The following ARHGAP28 variants were observed in gnomAD, a reference collection of about 807,000 sequenced individuals.
ARHGAP28 encodes rho GTPase-activating protein 28.
In ARHGAP28, 56 loss-of-function variants were observed where a neutral mutation model predicts 90.7. The observed-to-expected ratio is 0.62, with a 90% CI of 0.50 to 0.77. The LOEUF is 0.77. Ranked by LOEUF, ARHGAP28 falls within the 30% of genes least tolerant of loss-of-function variation. ARHGAP28 has a pLI of 0.00. For synonymous variants in ARHGAP28, 308 were observed against 323.3 expected, an observed-to-expected ratio of 0.95 and a Z score of 0.51; for missense variants, 869 against 900.9, an observed-to-expected ratio of 0.96 and a Z score of 0.45.
At chr18:6,786,364 A>G (rs2056364835) in intron 1 of ARHGAP28, among the ~76,000 whole-genome samples, 3 of 152,182 alleles carry the variant, frequency 2.0e-5, no homozygotes, top group Admixed American at 2.0e-4. Context: ...TAACTATGCC[A>G]GTCCCAAAGG....
At chr18:6,852,392 A>G (rs560273712) in intron 4 of ARHGAP28, among the ~76,000 whole-genome samples, 1 of 152,314 alleles carries the variant, frequency 6.6e-6, no homozygotes, top group South Asian at 2.1e-4. Flanking sequence ...CTTCTAGTTT[A>G]TTTTCAGTGT....
chr18:6,850,647 A>G (rs1170005985), intron 3 of ARHGAP28: 34 of 604,456 alleles, frequency 5.6e-5, no homozygotes, highest in East Asian at 2.9e-5. Context: ...GCTTTCCCAG[A>G]CACTCCACCA....
chr18:6,906,883 C>A (rs555895288), intron 16 of ARHGAP28, among the ~76,000 whole-genome samples: 1 of 152,128 alleles, frequency 6.6e-6, no homozygotes, highest in East Asian at 1.9e-4. Context: ...ACATATCCAA[C>A]AAAGGACTAG....
intron 10 of ARHGAP28, among the ~76,000 whole-genome samples, chr18:6,878,320 G>A (rs1487722441): frequency 1.5e-5 from 2 of 129,044 alleles, no homozygotes; most frequent in African/African-American, 5.9e-5. Flanking sequence ...ACAGGAAGGG[G>A]AACATCACAC....
At chr18:6,849,905 A>C (rs2056896410) in intron 3 of ARHGAP28, among the ~76,000 whole-genome samples, 1 of 151,990 alleles carries the variant, frequency 6.6e-6, no homozygotes, top group African/African-American at 2.4e-5. Flanking sequence ...AGTCTCTTCC[A>C]AGTATTTCTG....
At chr18:6,752,125 A>G (rs1052700583) in intron 1 of ARHGAP28, among the ~76,000 whole-genome samples, 1 of 152,228 alleles carries the variant, frequency 6.6e-6, no homozygotes, top group African/African-American at 2.4e-5. Flanking sequence ...AATTGACATT[A>G]GATTATATTA....
At chr18:6,765,996 C>T (rs768265915) in intron 1 of ARHGAP28, among the ~76,000 whole-genome samples, 27 of 152,120 alleles carry the variant, frequency 1.8e-4, no homozygotes, top group Non-Finnish European at 4.0e-4. Context: ...GAATTAAGTC[C>T]TTTAAAATTT....
chr18:6,782,743 C>G (rs987888020), intron 1 of ARHGAP28, among the ~76,000 whole-genome samples: 1 of 150,384 alleles, frequency 6.6e-6, no homozygotes, highest in African/African-American at 2.4e-5. Flanking sequence ...AGCCACCACA[C>G]CCAGCCAAGA....
At chr18:6,869,707 G>C (rs778677916) in intron 6 of ARHGAP28, among the ~76,000 whole-genome samples, 26 of 152,070 alleles carry the variant, frequency 1.7e-4, no homozygotes, top group Non-Finnish European at 2.4e-4. Context: ...CTTTAATTCT[G>C]CCTTTTGTTC....
At chr18:6,751,455 C>T (rs1381207062) in intron 1 of ARHGAP28, among the ~76,000 whole-genome samples, 1 of 152,084 alleles carries the variant, frequency 6.6e-6, no homozygotes, top group Non-Finnish European at 1.5e-5. Context: ...AATAATTTGT[C>T]TCTTGTTAAA....
chr18:6,828,995 C>A (rs1048077574), intron 2 of ARHGAP28, among the ~76,000 whole-genome samples: 1 of 152,182 alleles, frequency 6.6e-6, no homozygotes, highest in African/African-American at 2.4e-5. Flanking sequence ...ATTTCTGAGT[C>A]TCTTTCTCAG....
chr18:6,813,548 T>C (rs1383115737), intron 1 of ARHGAP28, among the ~76,000 whole-genome samples: 1 of 152,226 alleles, frequency 6.6e-6, no homozygotes, highest in African/African-American at 2.4e-5. Flanking sequence ...TCTCAGCATA[T>C]TTTATAGTAA....
intron 1 of ARHGAP28, among the ~76,000 whole-genome samples, chr18:6,813,715 G>A (rs1386142192): frequency 1.3e-5 from 2 of 152,072 alleles, no homozygotes; most frequent in African/African-American, 2.4e-5. Context: ...GGGTGATGGG[G>A]GAAAGAGCAT....
At chr18:6,813,367 A>G (rs1441290928) in intron 1 of ARHGAP28, among the ~76,000 whole-genome samples, 2 of 152,154 alleles carry the variant, frequency 1.3e-5, no homozygotes, top group East Asian at 3.9e-4. Flanking sequence ...CTCTCTCTAT[A>G]TATAACTTAC....
At chr18:6,730,219 G>GCATATA (rs2055865838) in intron 1 of ARHGAP28, 2 of 157,414 alleles carry the variant, frequency 1.3e-5, no homozygotes, top group Admixed American at 8.1e-5. Context: ...GATAAGTCAT[G>GCATATA]TGTATATATA....
intron 1 of ARHGAP28, among the ~76,000 whole-genome samples, chr18:6,733,622 A>G (rs966676162): frequency 1.3e-5 from 2 of 152,226 alleles, no homozygotes; most frequent in East Asian, 3.8e-4. Flanking sequence ...TTTCAGTAGC[A>G]TGGCATACTT....
chr18:6,857,741 A>T (rs1280682515), intron 4 of ARHGAP28, among the ~76,000 whole-genome samples: 1 of 152,252 alleles, frequency 6.6e-6, no homozygotes. Flanking sequence ...GCAAGGCAGA[A>T]GCTGTCGGTA....
chr18:6,729,828 GT>G lies in ARHGAP28; in HGVS notation c.8del (p.Val3GlyfsTer9), dbSNP rs1222333005. The G allele has an allele frequency of 5.6e-6, 8 of 1,421,938 alleles. No homozygotes were observed. The East Asian group carries it at 1.5e-4, about 27-fold the overall frequency. The allele number at this position is 1,421,938 out of a possible 1,614,324, so 88.1% of individuals were successfully genotyped here. On this transcript the variant is annotated frameshift_variant, in exon 1 of 18. Coordinates refer to ENST00000383472, the MANE Select transcript of ARHGAP28 (RefSeq NM_001366230.1). LOFTEE classifies it high-confidence loss of function. ...GAGACATGCGCGGCTGACGATGGAG[GT>G]GGAGGACTCGGGCGGCGTGGTGCTG... Reference protein sequence around the residue: MEVEDSGGVVLTA... With the variant: MEXEDSGGVVLTA...
At chr18:6,800,255 TTGG>T (rs1383343818) in intron 1 of ARHGAP28, among the ~76,000 whole-genome samples, 1 of 152,204 alleles carries the variant, frequency 6.6e-6, no homozygotes, top group Non-Finnish European at 1.5e-5. Context: ...TTTTACACTG[TTGG>T]TGGGAGTGTA....
Sources: gnomAD v4.1 joint callset for allele counts (sites outside exome capture counted in the v4.1 genomes callset) on GRCh38, gnomAD v4.1.1 for gene constraint, MANE v1.5 for transcripts, NCBI Gene and HGNC (gene_info 2026-07-23, HGNC 2026-07-21) for gene names.